DTNB: variants seen among roughly 807,000 people sequenced by gnomAD.
DTNB encodes dystrobrevin beta, also known as DTN-B.
In DTNB, 63 loss-of-function variants were observed where a neutral mutation model predicts 90.7. The ratio of observed to expected loss-of-function variants is 0.69; its 90% CI spans 0.57 to 0.86. DTNB has a LOEUF of 0.86. Among genes scored for constraint, DTNB ranks in the 40% least tolerant of loss-of-function variants. The probability of loss-of-function intolerance (pLI) is 0.00; values close to 1 mark genes in which losing one functional copy is unlikely to be tolerated. For synonymous variants in DTNB, 277 were observed against 286.7 expected (o/e 0.97, Z 0.34); for missense variants, 744 against 807.1 (o/e 0.92, Z 0.95).
At position 25,652,638 on chromosome 2, in the gene DTNB, T is replaced by C. The variant is rs1210816463; in HGVS notation, c.23A>G (p.Lys8Arg). 6.2e-7 allele frequency: 1 copy of C among 1,612,966 alleles called. No individual in the cohort carries two copies. Among genetic ancestry groups the C allele is most frequent in the East Asian group, 2.2e-5 (1 of 44,836 alleles). Residue 8 changes from lysine to arginine, a missense_variant, in exon 2 of 21, where the codon AAG becomes AGG. Physicochemically the swap from Lys to Arg is conservative, Grantham distance 26 (BLOSUM62 2). Transcript: ENST00000406818. The stretch of plus-strand genomic sequence containing the variant: ...CCTCTTCTCTGCCATGGTCTTCCGC[T>C]TGTTCCCACTTTCCTCAATCATCCT... MIEESGN[K>R]RKTMAEKRQL...
intron 15 of DTNB, among the ~76,000 whole-genome samples, chr2:25,426,913 T>G (rs1382420401): frequency 1.3e-5 from 2 of 152,206 alleles, no homozygotes; most frequent in Non-Finnish European, 2.9e-5. Flanking sequence ...CAATGGCTCA[T>G]GCCTGTAATC....
At chr2:25,441,618 CAT>C (rs1233669760) in intron 12 of DTNB, among the ~76,000 whole-genome samples, 1 of 152,230 alleles carries the variant, frequency 6.6e-6, no homozygotes, top group African/African-American at 2.4e-5. Flanking sequence ...TAAATTCCTT[CAT>C]GGAGCTCTCA....
At chr2:25,388,056 G>T in intron 17 of DTNB, 146 bp downstream of exon 17, 1 of 1,353,922 alleles carries the variant, frequency 7.4e-7, no homozygotes, top group Non-Finnish European at 1.0e-6. Flanking sequence ...GAAGGGGCCA[G>T]CACCTGACTT....
At chr2:25,412,203 T>C (rs1430390154) in intron 16 of DTNB, among the ~76,000 whole-genome samples, 2 of 152,110 alleles carry the variant, frequency 1.3e-5, no homozygotes, top group East Asian at 3.9e-4. Flanking sequence ...TCCTTTGAGG[T>C]ATATTTGGTA....
intron 8 of DTNB, among the ~76,000 whole-genome samples, chr2:25,564,936 C>A (rs1195556409): frequency 1.3e-5 from 2 of 152,104 alleles, no homozygotes; most frequent in Non-Finnish European, 2.9e-5. Context: ...TACTTTTGCA[C>A]CAATCTAATA....
chr2:25,507,605 T>C (rs1032369467), intron 9 of DTNB, among the ~76,000 whole-genome samples: 1 of 152,182 alleles, frequency 6.6e-6, no homozygotes, highest in Non-Finnish European at 1.5e-5. Context: ...TCTACTGTTA[T>C]CCACCTCGTC....
chr2:25,461,770 C>T (rs143578451), intron 10 of DTNB, among the ~76,000 whole-genome samples: 199 of 152,272 alleles, frequency 1.3e-3, no homozygotes, highest in South Asian at 2.1e-3. Context: ...ATGACCACAC[C>T]AATAAACGTA....
At chr2:25,657,159 G>A (rs2082219813) in intron 1 of DTNB, among the ~76,000 whole-genome samples, 1 of 152,150 alleles carries the variant, frequency 6.6e-6, no homozygotes, top group African/African-American at 2.4e-5. Context: ...CTGGGTAACA[G>A]AGTGAGACTC....
intron 6 of DTNB, among the ~76,000 whole-genome samples, chr2:25,583,206 C>T (rs1450257498): frequency 2.7e-5 from 4 of 146,916 alleles, no homozygotes; most frequent in Non-Finnish European, 4.5e-5. Context: ...AAGATATCAC[C>T]ACTGCACTCC....
chr2:25,556,590 C>A (rs2057395542), intron 8 of DTNB, among the ~76,000 whole-genome samples: 1 of 152,100 alleles, frequency 6.6e-6, no homozygotes, highest in Admixed American at 6.5e-5. Flanking sequence ...TGAGGACTTA[C>A]AATCTAATGA....
intron 10 of DTNB, among the ~76,000 whole-genome samples, chr2:25,480,320 T>C (rs113104506): frequency 0.037 from 5,669 of 152,234 alleles, 161 homozygotes; most frequent in Non-Finnish European, 0.056. Flanking sequence ...CCTTGCAAAG[T>C]TTACGATAAC....
intron 9 of DTNB, among the ~76,000 whole-genome samples, chr2:25,526,150 C>T (rs2077043731): frequency 6.6e-6 from 1 of 151,730 alleles, no homozygotes; most frequent in Non-Finnish European, 1.5e-5. Flanking sequence ...CTCCAACATA[C>T]TTCTCCTGGT....
At chr2:25,572,009 T>C (rs571755370) in intron 8 of DTNB, among the ~76,000 whole-genome samples, 37 of 152,300 alleles carry the variant, frequency 2.4e-4, no homozygotes, top group African/African-American at 8.7e-4. Flanking sequence ...CCTTTTCTTA[T>C]GCACAGAGCA....
chr2:25,445,577 T>C (rs1291759191), intron 12 of DTNB, among the ~76,000 whole-genome samples: 1 of 152,234 alleles, frequency 6.6e-6, no homozygotes. Context: ...GTTTGTTTAA[T>C]ATGGTCCTGC....
chr2:25,554,956 T>C (rs905906923), intron 8 of DTNB, among the ~76,000 whole-genome samples: 1 of 152,038 alleles, frequency 6.6e-6, no homozygotes, highest in Non-Finnish European at 1.5e-5. Context: ...GTTTGGAGGA[T>C]ATGGAGAGCT....
chr2:25,673,269 C>G (rs999986909), intron 1 of DTNB, 117 bp downstream of exon 1: 2 of 151,734 alleles, frequency 1.3e-5, no homozygotes, highest in Non-Finnish European at 1.5e-5. Context: ...GCCGCACCCG[C>G]AGGCTCCCGG....
At chr2:25,580,458 T>C (rs753436483) in intron 7 of DTNB, among the ~76,000 whole-genome samples, 1 of 150,652 alleles carries the variant, frequency 6.6e-6, no homozygotes. Context: ...AAGGTAGAGG[T>C]TGCAGTGAGC....
Position 25,459,638 on chromosome 2 carries a change from C to T in DTNB, c.1080-4144G>A, listed in dbSNP as rs149835942. Among the ~76,000 whole-genome samples, 746 of 152,136 alleles carry T rather than the reference C, an allele frequency of 4.9e-3. 5 individuals carry two copies. The highest frequency in any genetic ancestry group is 0.016 in the African/African-American group (659 of 41,510). On this transcript the variant is annotated intron_variant, in intron 10 of 20. Transcript: ENST00000406818. ...CCTCCTGAGTAACTGGGATTACAGGCGTGTACCACCATGCCCAGCTAATTT... is the reference window on the plus strand; with the variant it reads ...CCTCCTGAGTAACTGGGATTACAGGTGTGTACCACCATGCCCAGCTAATTT...
At chr2:25,483,473 C>A (rs1312754501) in intron 9 of DTNB, among the ~76,000 whole-genome samples, 2 of 152,214 alleles carry the variant, frequency 1.3e-5, no homozygotes, top group Admixed American at 6.5e-5. Context: ...TTGATTAATT[C>A]TCTACTAGAA....
Sources: allele counts gnomAD v4.1 joint callset (sites outside exome capture counted in the v4.1 genomes callset), GRCh38; gene constraint gnomAD v4.1.1; transcripts MANE v1.5; gene names NCBI Gene and HGNC (gene_info 2026-07-23, HGNC 2026-07-21).